The following FIG4 variants were observed in gnomAD, a reference collection of about 807,000 sequenced individuals.
The protein encoded by FIG4 is polyphosphoinositide phosphatase.
Under a neutral mutation model 118.6 loss-of-function variants are expected in FIG4, and 112 were observed. That is an observed-to-expected ratio of 0.94 (90% CI 0.81 to 1.11). The LOEUF (loss-of-function observed/expected upper bound fraction) is 1.11, where lower values mean the gene tolerates loss of function less well. Among genes scored for constraint, FIG4 ranks in the 50% least tolerant of loss-of-function variants. FIG4 has a pLI of 0.00. For missense variants in FIG4, 969 were observed against 1,111.7 expected (o/e 0.87, Z 1.83); for synonymous variants, 369 against 381.2 (o/e 0.97, Z 0.37).
chr6:109,797,286 A>T (rs1778315039), intron 22 of FIG4, among the ~76,000 whole-genome samples: 1 of 152,204 alleles, frequency 6.6e-6, no homozygotes, highest in African/African-American at 2.4e-5. Context: ...AATAAACGGA[A>T]CTATGTTCAA....
intron 8 of FIG4, among the ~76,000 whole-genome samples, chr6:109,742,162 C>G (rs1317708120): frequency 1.5e-4 from 23 of 151,842 alleles, no homozygotes; most frequent in Admixed American, 1.3e-4. Context: ...ATATGAAATG[C>G]GGTACATGTT....
chr6:109,816,580 A>G (rs1778868126), intron 22 of FIG4, among the ~76,000 whole-genome samples: 1 of 152,216 alleles, frequency 6.6e-6, no homozygotes, highest in South Asian at 2.1e-4. Flanking sequence ...TTAATAAGAC[A>G]GGAAATTGTA....
chr6:109,746,190 A>G (rs1236801701), intron 10 of FIG4, among the ~76,000 whole-genome samples: 4 of 152,200 alleles, frequency 2.6e-5, no homozygotes, highest in African/African-American at 9.6e-5. Context: ...CCGGCTAGCC[A>G]TATGCAGAAA....
intron 15 of FIG4, among the ~76,000 whole-genome samples, chr6:109,775,914 G>A (rs1344141606): frequency 2.0e-5 from 3 of 152,090 alleles, no homozygotes; most frequent in South Asian, 4.1e-4. Flanking sequence ...TATCTTGTTC[G>A]CTATAACTGT....
intron 1 of FIG4, among the ~76,000 whole-genome samples, chr6:109,695,440 G>T (rs894909322): frequency 2.0e-5 from 3 of 152,208 alleles, no homozygotes; most frequent in African/African-American, 4.8e-5. Context: ...CAGCATTGTT[G>T]TGGTGGAGAA....
At chr6:109,795,947 T>G (rs1373727530) in intron 21 of FIG4, among the ~76,000 whole-genome samples, 1 of 152,118 alleles carries the variant, frequency 6.6e-6, no homozygotes, top group Admixed American at 6.5e-5. Context: ...CATGGGCAAA[T>G]TAGAACAAAA....
rs1378220574 is a variant in FIG4, at chr6:109,765,149, C to T, written c.1571C>T (p.Thr524Ile). The part of the protein sequence containing the change: ...LIDKPNLQFD[T>I]DAVRLFEELY... ...GACAAACCTAATCTACAGTTTGATA[C>T]AGATGCAGTTAGGTAAGTCTTATTT... The change falls in exon 14 of 23, where the codon ACA becomes ATA. Residue 524 changes from threonine (T) to isoleucine (I), a missense_variant. By Grantham distance (89) the Thr-to-Ile change is moderately conservative. This residue lies in a region of FIG4 where 246 missense variants were observed against 354.3 expected (regional missense o/e 0.69). Coordinates refer to ENST00000230124, the MANE Select transcript of FIG4 (RefSeq NM_014845.6). 1 of 1,613,948 alleles carries T rather than the reference C, an allele frequency of 6.2e-7. No individual in the cohort carries two copies. Among genetic ancestry groups the T allele is most frequent in the Admixed American group, 1.7e-5 (1 of 60,024 alleles).
At chr6:109,742,994 C>CAAAGAATAGGAATTATAACTTCATTG in intron 8 of FIG4, 116 bp from the exon 9 acceptor site, 2 of 952,430 alleles carry the variant, frequency 2.1e-6, no homozygotes, top group Admixed American at 4.1e-5. Flanking sequence ...TCAAGACTTT[C>CAAAGAATAGGAATTATAACTTCATTG]AAAGAATAGG....
At chr6:109,722,988 T>C (rs997285120) in intron 3 of FIG4, among the ~76,000 whole-genome samples, 3 of 54,294 alleles carry the variant, frequency 5.5e-5, no homozygotes, top group Non-Finnish European at 1.1e-4. Flanking sequence ...CCAGAGTAGA[T>C]ATCCTGTCAA....
rs1776398818 is a variant in FIG4 at position 109,743,786 on chromosome 6, A to G, written c.1137+14A>G. The G allele has an allele frequency of 6.3e-7, 1 of 1,583,894 alleles. No individual in the cohort carries two copies. The highest frequency in any genetic ancestry group is 8.7e-7 in the Non-Finnish European group (1 of 1,153,282). On this transcript the variant is annotated intron_variant, in intron 10 of 22. Coordinates refer to ENST00000230124, the MANE Select transcript of FIG4 (RefSeq NM_014845.6). ...AATTTAGTGAAGGTATGATGTGCTCATCTGTTTGGTTATGAGATTCAGACG... is the reference window on the plus strand; with the variant it reads ...AATTTAGTGAAGGTATGATGTGCTCGTCTGTTTGGTTATGAGATTCAGACG...
intron 3 of FIG4, among the ~76,000 whole-genome samples, chr6:109,722,157 G>A (rs1195617244): frequency 2.0e-5 from 3 of 150,718 alleles, no homozygotes; most frequent in Non-Finnish European, 4.4e-5. Context: ...TAGTAAAGTT[G>A]TCATCAGCTT....
chr6:109,723,773 T>C (rs1455299641), intron 3 of FIG4, among the ~76,000 whole-genome samples: 1 of 152,210 alleles, frequency 6.6e-6, no homozygotes, highest in Non-Finnish European at 1.5e-5. Flanking sequence ...GTAAAGGTTT[T>C]GGATGGAAAG....
chr6:109,780,450 C>T lies in FIG4; in HGVS notation c.1889+3390C>T, dbSNP rs1246575682. ...CTGGCCTCCAACTCCTGGGCTCAAG[C>T]AGTCTGCCCATTTTGGCTCCCAAAT... On this transcript the variant is annotated intron_variant, in intron 16 of 22. Coordinates refer to ENST00000230124, the MANE Select transcript of FIG4 (RefSeq NM_014845.6). Among the ~76,000 whole-genome samples, 45 of 152,098 alleles carry T rather than the reference C, an allele frequency of 3.0e-4. 1 individual carries two copies. The highest frequency in any genetic ancestry group is 2.9e-5 in the Non-Finnish European group (2 of 68,006).
intron 9 of FIG4, 196 bp from the exon 10 acceptor site, chr6:109,743,479 C>T (rs1471250583): frequency 3.0e-5 from 20 of 658,328 alleles, no homozygotes; most frequent in Non-Finnish European, 4.7e-5. Context: ...TATTTTGCTT[C>T]AGAAATGTAA....
chr6:109,794,768 CA>C (rs1778230051), intron 21 of FIG4, among the ~76,000 whole-genome samples: 1 of 152,214 alleles, frequency 6.6e-6, no homozygotes, highest in Non-Finnish European at 1.5e-5. Flanking sequence ...TGTTTGTGCA[CA>C]TAGTAGACAG....
intron 3 of FIG4, among the ~76,000 whole-genome samples, chr6:109,722,143 CT>C (rs955576614): frequency 1.3e-5 from 2 of 150,492 alleles, no homozygotes; most frequent in Non-Finnish European, 3.0e-5. Context: ...TCCTAAGTTG[CT>C]TTTAGTAAAG....
At chr6:109,695,848 C>T (rs983648082) in intron 1 of FIG4, among the ~76,000 whole-genome samples, 3 of 152,158 alleles carry the variant, frequency 2.0e-5, no homozygotes, top group Non-Finnish European at 4.4e-5. Context: ...GGTGAAACAG[C>T]GTTGGGAGCC....
chr6:109,795,157 G>T (rs569767867), intron 21 of FIG4, among the ~76,000 whole-genome samples: 38 of 113,496 alleles, frequency 3.3e-4, no homozygotes, highest in African/African-American at 1.2e-3. Context: ...TCGCTCTGTC[G>T]CCCAGGCGGG....
At chr6:109,782,460 A>T (rs764336326) in intron 16 of FIG4, among the ~76,000 whole-genome samples, 1 of 152,224 alleles carries the variant, frequency 6.6e-6, no homozygotes. Flanking sequence ...TAATATTTTT[A>T]AAAAGTTTAT....
Sources: allele counts gnomAD v4.1 joint callset (sites outside exome capture counted in the v4.1 genomes callset), GRCh38; gene constraint gnomAD v4.1.1; regional missense constraint gnomAD v4.1.1; transcripts MANE v1.5; gene names NCBI Gene and HGNC (gene_info 2026-07-23, HGNC 2026-07-21).